Variants in MAGI2 observed in about 807,000 individuals in gnomAD.
MAGI2 encodes the protein membrane associated guanylate kinase, WW and PDZ domain containing 2.
In MAGI2, 35 loss-of-function variants were observed where a neutral mutation model predicts 133.3. That is an observed-to-expected ratio of 0.26 (90% CI 0.20 to 0.35). The LOEUF (loss-of-function observed/expected upper bound fraction) is 0.35. MAGI2 is among the 10% of genes least tolerant of loss of function. MAGI2 has a pLI of 1.00. For missense variants in MAGI2, 1,636 were observed against 1,863.4 expected (o/e 0.88, Z 2.25); for synonymous variants, 729 against 710.6 (o/e 1.03, Z -0.41).
chr7:79,355,855 C>T (rs1283488708), intron 1 of MAGI2, among the ~76,000 whole-genome samples: 2 of 152,190 alleles, frequency 1.3e-5, no homozygotes, highest in African/African-American at 4.8e-5. Flanking sequence ...GATATCAACA[C>T]TTCCTATTTT....
chr7:78,901,707 C>T (rs184536581), intron 2 of MAGI2, among the ~76,000 whole-genome samples: 62 of 151,884 alleles, frequency 4.1e-4, no homozygotes, highest in African/African-American at 1.1e-3. Flanking sequence ...TTCTATTCAC[C>T]GTACAGGAAA....
rs141967954 is a variant in MAGI2 at position 79,032,588 on chromosome 7, G to T, written c.302-25382C>A. On this transcript the variant is annotated intron_variant, in intron 1 of 21. Coordinates refer to ENST00000354212, the MANE Select transcript of MAGI2 (RefSeq NM_012301.4). ...GAGTGGAACATCAAGTCTAGGTTTAGATTTATTTTTTAACCATCAACTTAT... is the reference window on the plus strand; with the variant it reads ...GAGTGGAACATCAAGTCTAGGTTTATATTTATTTTTTAACCATCAACTTAT... Among the ~76,000 whole-genome samples, 14 of 151,084 alleles carry T rather than the reference G, an allele frequency of 9.3e-5. No individual in the cohort carries two copies. In the East Asian group the frequency reaches 2.7e-3, roughly 29 times the overall value.
chr7:78,133,847 T>C (rs1449752663), intron 17 of MAGI2, among the ~76,000 whole-genome samples: 1 of 152,158 alleles, frequency 6.6e-6, no homozygotes, highest in Non-Finnish European at 1.5e-5. Context: ...CTTTTCTCTC[T>C]CTCTTTTTTT....
intron 1 of MAGI2, among the ~76,000 whole-genome samples, chr7:79,249,201 A>G (rs1276109495): frequency 6.6e-6 from 1 of 152,148 alleles, no homozygotes; most frequent in Non-Finnish European, 1.5e-5. Flanking sequence ...TTATGGCGAT[A>G]AGTACCTGCA....
chr7:78,345,876 C>A (rs1374941782), intron 8 of MAGI2, 46 bp downstream of exon 8: 1 of 1,603,552 alleles, frequency 6.2e-7, no homozygotes, highest in Non-Finnish European at 8.5e-7. Flanking sequence ...GGCAGTTTGA[C>A]AGACAATTTT....
At chr7:78,241,149 T>C (rs1251647465) in intron 10 of MAGI2, among the ~76,000 whole-genome samples, 2 of 152,050 alleles carry the variant, frequency 1.3e-5, no homozygotes, top group South Asian at 2.1e-4. Context: ...TAAATACTTA[T>C]TAAATGAATG....
At chr7:78,713,425 G>A (rs1295797076) in intron 2 of MAGI2, among the ~76,000 whole-genome samples, 1 of 152,184 alleles carries the variant, frequency 6.6e-6, no homozygotes, top group African/African-American at 2.4e-5. Flanking sequence ...TGTGGCGTAA[G>A]ATGGCACTTT....
chr7:79,026,012 T>C (rs1022901448), intron 1 of MAGI2, among the ~76,000 whole-genome samples: 2 of 152,198 alleles, frequency 1.3e-5, no homozygotes, highest in Non-Finnish European at 2.9e-5. Flanking sequence ...GGACCACTTA[T>C]ACACTTACCA....
At chr7:79,172,401 G>C (rs533552191) in intron 1 of MAGI2, among the ~76,000 whole-genome samples, 1 of 151,716 alleles carries the variant, frequency 6.6e-6, no homozygotes, top group Non-Finnish European at 1.5e-5. Context: ...CTCTTTTTTT[G>C]GACAAATTCA....
chr7:78,319,955 C>A (rs1787827301), intron 9 of MAGI2, among the ~76,000 whole-genome samples: 1 of 152,174 alleles, frequency 6.6e-6, no homozygotes, highest in Non-Finnish European at 1.5e-5. Flanking sequence ...CACCACCAAT[C>A]CCACAGAAAT....
chr7:78,552,932 C>G (rs773195450), intron 3 of MAGI2, among the ~76,000 whole-genome samples: 5 of 151,930 alleles, frequency 3.3e-5, no homozygotes, highest in East Asian at 1.9e-4. Context: ...AATTGCCCCC[C>G]CAAGGTCAGT....
At chr7:78,456,498 G>A (rs971706930) in intron 6 of MAGI2, among the ~76,000 whole-genome samples, 9 of 152,106 alleles carry the variant, frequency 5.9e-5, no homozygotes, top group Non-Finnish European at 1.3e-4. Context: ...ATTGTGCCAG[G>A]CATTGTGAAA....
At chr7:78,565,072 T>C (rs2150749458) in intron 3 of MAGI2, among the ~76,000 whole-genome samples, 1 of 152,012 alleles carries the variant, frequency 6.6e-6, no homozygotes, top group South Asian at 2.1e-4. Flanking sequence ...GGATTACAGG[T>C]GTGAGCACCG....
intron 6 of MAGI2, among the ~76,000 whole-genome samples, chr7:78,402,337 TGTGTGTGTCC>T: frequency 4.9e-5 from 2 of 40,590 alleles, no homozygotes; most frequent in East Asian, 4.9e-3. Flanking sequence ...GGTGTGTATG[TGTGTGTGTCC>T]ACCTGGGGCG....
At chr7:79,089,455 TATATACCCAAAAG>T (rs1816851914) in intron 1 of MAGI2, among the ~76,000 whole-genome samples, 1 of 152,044 alleles carries the variant, frequency 6.6e-6, no homozygotes, top group Non-Finnish European at 1.5e-5. Context: ...CATTACTGGG[TATATACCCAAAAG>T]ATTATAAATC....
At chr7:78,721,326 G>A (rs1008144977) in intron 2 of MAGI2, among the ~76,000 whole-genome samples, 1 of 152,070 alleles carries the variant, frequency 6.6e-6, no homozygotes, top group Middle Eastern at 3.4e-3. Flanking sequence ...AAGTCTCTCA[G>A]CATATAGTTA....
chr7:79,248,607 C>A (rs1832987583), intron 1 of MAGI2, among the ~76,000 whole-genome samples: 1 of 152,078 alleles, frequency 6.6e-6, no homozygotes, highest in South Asian at 2.1e-4. Context: ...AAAGACAAAT[C>A]ATAAGTTAGA....
chr7:78,887,429 G>A (rs1563625346), intron 2 of MAGI2, among the ~76,000 whole-genome samples: 1 of 152,224 alleles, frequency 6.6e-6, no homozygotes, highest in Non-Finnish European at 1.5e-5. Context: ...GCAAGCCGCA[G>A]TAATCAGCGT....
chr7:78,455,620 A>G (rs1789227451), intron 6 of MAGI2, among the ~76,000 whole-genome samples: 1 of 152,186 alleles, frequency 6.6e-6, no homozygotes, highest in African/African-American at 2.4e-5. Context: ...TATGCAGAGC[A>G]CATTACCTGG....
Sources: allele counts gnomAD v4.1 joint callset (sites outside exome capture counted in the v4.1 genomes callset), GRCh38; gene constraint gnomAD v4.1.1; transcripts MANE v1.5; gene names NCBI Gene and HGNC (gene_info 2026-07-23, HGNC 2026-07-21).